CNTNAP5: variants seen among roughly 807,000 people sequenced by gnomAD.
The protein encoded by CNTNAP5 is contactin associated protein family member 5.
Under a neutral mutation model 150.2 loss-of-function variants are expected in CNTNAP5, and 72 were observed. The observed-to-expected ratio is 0.48, with a 90% CI of 0.40 to 0.58. CNTNAP5 has a LOEUF of 0.58. Ranked by LOEUF, CNTNAP5 falls within the 20% of genes least tolerant of loss-of-function variation. The pLI, the probability that CNTNAP5 is intolerant of heterozygous loss-of-function variation, is 0.00. For synonymous variants in CNTNAP5, 672 were observed against 619.8 expected, an observed-to-expected ratio of 1.08 and a Z score of -1.25; for missense variants, 1,636 against 1,626.2, an observed-to-expected ratio of 1.01 and a Z score of -0.10.
intron 23 of CNTNAP5, among the ~76,000 whole-genome samples, chr2:124,911,799 C>T (rs1435553222): frequency 1.3e-5 from 2 of 152,126 alleles, no homozygotes; most frequent in Non-Finnish European, 2.9e-5. Context: ...GGAGCATTTA[C>T]TTACAGACAG....
At chr2:124,456,440 C>T (rs953041390) in intron 6 of CNTNAP5, among the ~76,000 whole-genome samples, 15 of 152,116 alleles carry the variant, frequency 9.9e-5, no homozygotes, top group African/African-American at 3.1e-4. Context: ...AATGGAAACA[C>T]GTCCCATGCT....
rs144981699 is a variant in CNTNAP5 at position 124,814,607 on chromosome 2, C to T, written c.3217+16287C>T. On this transcript the variant is annotated intron_variant, in intron 19 of 23. Coordinates refer to ENST00000682447, the MANE Select transcript of CNTNAP5 (RefSeq NM_001367498.1). ...TTTTCAAGCAAAAGATCCTTTTTTA[C>T]AAGCATATACTAATGGTTCATCTTC... 3.1e-3 allele frequency among the ~76,000 whole-genome samples: 475 copies of T among 151,636 alleles called. 3 individuals are homozygous for T. The highest frequency in any genetic ancestry group is 4.7e-3 in the Non-Finnish European group (318 of 67,892).
intron 1 of CNTNAP5, among the ~76,000 whole-genome samples, chr2:124,165,060 T>C (rs540742156): frequency 1.2e-4 from 18 of 152,284 alleles, no homozygotes; most frequent in East Asian, 1.9e-4. Context: ...TCTGTGTACA[T>C]GTGGATAAAG....
At chr2:124,902,701 C>T (rs72848789) in intron 21 of CNTNAP5, among the ~76,000 whole-genome samples, 181 bp from the exon 22 acceptor site, 2,302 of 152,132 alleles carry the variant, frequency 0.015, 20 homozygotes, top group Middle Eastern at 0.041. Flanking sequence ...TATATTGATG[C>T]TTGCATTGGG....
At chr2:124,243,544 A>G (rs1249059288) in intron 3 of CNTNAP5, among the ~76,000 whole-genome samples, 1 of 152,146 alleles carries the variant, frequency 6.6e-6, no homozygotes, top group East Asian at 1.9e-4. Context: ...GTCACTTGTA[A>G]TATTAGGTTA....
intron 1 of CNTNAP5, among the ~76,000 whole-genome samples, chr2:124,046,442 A>AAAG (rs1455737247): frequency 3.3e-5 from 5 of 151,524 alleles, no homozygotes; most frequent in Admixed American, 2.0e-4. Flanking sequence ...AGAAAAAAAA[A>AAAG]AAAAAAACAG....
At chr2:124,137,340 T>C (rs1004557953) in intron 1 of CNTNAP5, among the ~76,000 whole-genome samples, 2 of 152,056 alleles carry the variant, frequency 1.3e-5, no homozygotes, top group Non-Finnish European at 2.9e-5. Flanking sequence ...TAATCCAAAC[T>C]TTATTTGCAT....
intron 1 of CNTNAP5, among the ~76,000 whole-genome samples, chr2:124,205,775 G>C (rs1239375568): frequency 2.0e-5 from 3 of 152,170 alleles, no homozygotes; most frequent in Non-Finnish European, 2.9e-5. Flanking sequence ...CTAATACAGA[G>C]AGAATTCTCT....
chr2:124,290,041 G>A (rs1323043509), intron 3 of CNTNAP5, among the ~76,000 whole-genome samples: 5 of 152,116 alleles, frequency 3.3e-5, no homozygotes, highest in Non-Finnish European at 7.4e-5. Flanking sequence ...TGGGGAGGGT[G>A]TTTATAAATC....
intron 22 of CNTNAP5, among the ~76,000 whole-genome samples, chr2:124,905,415 T>A (rs542647696): frequency 2.7e-4 from 41 of 152,194 alleles, no homozygotes; most frequent in Non-Finnish European, 5.3e-4. Flanking sequence ...TATTTCTGAA[T>A]ATGTAACGAA....
chr2:124,501,916 G>A (rs1694287669), intron 7 of CNTNAP5, among the ~76,000 whole-genome samples: 1 of 152,106 alleles, frequency 6.6e-6, no homozygotes. Flanking sequence ...ATACAGTAGA[G>A]GCATGCGCTA....
intron 8 of CNTNAP5, among the ~76,000 whole-genome samples, chr2:124,520,019 A>G (rs901569808): frequency 6.6e-6 from 1 of 152,220 alleles, no homozygotes; most frequent in Non-Finnish European, 1.5e-5. Context: ...AAAAATGTAC[A>G]TTAAAAAACA....
At chr2:124,684,630 T>C (rs1679150578) in intron 13 of CNTNAP5, among the ~76,000 whole-genome samples, 1 of 152,162 alleles carries the variant, frequency 6.6e-6, no homozygotes, top group Admixed American at 6.6e-5. Flanking sequence ...TTTTGAGGCT[T>C]TCATTGTAAA....
chr2:124,459,919 A>G (rs930361854), intron 6 of CNTNAP5, among the ~76,000 whole-genome samples: 1 of 152,182 alleles, frequency 6.6e-6, no homozygotes, highest in Non-Finnish European at 1.5e-5. Flanking sequence ...GCAAATACAA[A>G]ACTGTCTGAA....
chr2:124,632,719 A>T (rs1677890271), intron 12 of CNTNAP5, among the ~76,000 whole-genome samples: 2 of 151,934 alleles, frequency 1.3e-5, no homozygotes, highest in Non-Finnish European at 2.9e-5. Context: ...AAAAAAAACA[A>T]TAAAATGTTT....
intron 3 of CNTNAP5, among the ~76,000 whole-genome samples, chr2:124,304,225 G>C (rs1474320618): frequency 6.6e-6 from 1 of 152,130 alleles, no homozygotes; most frequent in East Asian, 1.9e-4. Flanking sequence ...AGAAACATAA[G>C]TAATTATAAT....
At chr2:124,346,798 T>C (rs1689746272) in intron 3 of CNTNAP5, among the ~76,000 whole-genome samples, 1 of 151,694 alleles carries the variant, frequency 6.6e-6, no homozygotes. Flanking sequence ...TGACCAGGCA[T>C]GGTGGCTCAC....
chr2:124,791,122 G>A (rs10198988), intron 18 of CNTNAP5, among the ~76,000 whole-genome samples: 13,168 of 152,048 alleles, frequency 0.087, 1,044 homozygotes, highest in African/African-American at 0.21. Context: ...GCATATCTTC[G>A]AAGCACCTTT....
chr2:124,705,152 G>A (rs146201175), intron 13 of CNTNAP5, among the ~76,000 whole-genome samples: 59 of 152,082 alleles, frequency 3.9e-4, no homozygotes, highest in African/African-American at 1.3e-3. Context: ...AGAGTGTAGC[G>A]TATGTACAAG....
Sources: allele counts gnomAD v4.1 joint callset (sites outside exome capture counted in the v4.1 genomes callset), GRCh38; gene constraint gnomAD v4.1.1; transcripts MANE v1.5; gene names NCBI Gene and HGNC (gene_info 2026-07-23, HGNC 2026-07-21).